GRIK4: variants seen among roughly 807,000 people sequenced by gnomAD.
GRIK4 encodes the protein glutamate ionotropic receptor kainate type subunit 4.
GRIK4 carries 40 observed loss-of-function variants against 104.9 expected under a neutral mutation model. That is an observed-to-expected ratio of 0.38 (90% CI 0.30 to 0.50). GRIK4 has a LOEUF of 0.50. GRIK4 is among the 20% of genes least tolerant of loss of function. The probability of loss-of-function intolerance (pLI) is 0.93; values close to 1 mark genes in which losing one functional copy is unlikely to be tolerated. For synonymous variants in GRIK4, 485 were observed against 524.9 expected, an observed-to-expected ratio of 0.92 and a Z score of 1.04; for missense variants, 1,047 against 1,308.1, an observed-to-expected ratio of 0.80 and a Z score of 3.08.
chr11:120,845,680 C>T (rs1023523545), intron 8 of GRIK4, among the ~76,000 whole-genome samples: 6 of 151,904 alleles, frequency 3.9e-5, no homozygotes, highest in East Asian at 1.9e-4. Context: ...CACACACACA[C>T]GGCCAGAAGT....
chr11:120,751,670 A>G (rs7952159), intron 3 of GRIK4, among the ~76,000 whole-genome samples: 27,316 of 152,136 alleles, frequency 0.18, 3,451 homozygotes, highest in African/African-American at 0.35. Flanking sequence ...AAAGCAGACC[A>G]TGTTCCCACC....
intron 3 of GRIK4, among the ~76,000 whole-genome samples, chr11:120,674,431 A>G (rs1950068484): frequency 6.6e-6 from 1 of 152,142 alleles, no homozygotes; most frequent in African/African-American, 2.4e-5. Flanking sequence ...CTGGCTCTTC[A>G]TAGGTTGGGC....
At chr11:120,784,225 C>G (rs1477450484) in intron 3 of GRIK4, among the ~76,000 whole-genome samples, 1 of 152,186 alleles carries the variant, frequency 6.6e-6, no homozygotes, top group Non-Finnish European at 1.5e-5. Context: ...GGACTCGGAA[C>G]CCCCGTGTCC....
chr11:120,559,164 A>G (rs1219220166), intron 1 of GRIK4, among the ~76,000 whole-genome samples: 1 of 152,162 alleles, frequency 6.6e-6, no homozygotes, highest in Non-Finnish European at 1.5e-5. Flanking sequence ...AGGCCTGCTG[A>G]GGCTACTAGG....
chr11:120,724,570 G>T (rs1950994824), intron 3 of GRIK4, among the ~76,000 whole-genome samples: 1 of 152,176 alleles, frequency 6.6e-6, no homozygotes, highest in African/African-American at 2.4e-5. Context: ...TCAAGATTCA[G>T]GACAGTCCAA....
chr11:120,967,210 A>C lies in GRIK4; in HGVS notation c.2282A>C (p.Asp761Ala). ...IGMPVGSVFR[D>A]EFDLAILQLQ... ...ACCCCCGCAGGCTCGGTTTTCCGGG[A>C]CGAGTTTGATCTGGCCATTCTCCAG... Residue 761 changes from aspartate (D) to alanine (A), a missense_variant, in exon 19 of 21, where the codon GAC (aspartate) becomes GCC (alanine). By Grantham distance (126) the Asp-to-Ala change is moderately radical. Transcript: ENST00000527524. This position sits in a 1 kb window ranked among gnomAD's most constrained non-coding sequence, Gnocchi z 4.2. 6.2e-7 allele frequency: 1 copy of C among 1,613,386 alleles called. No individual in the cohort carries two copies. Among genetic ancestry groups the C allele is most frequent in the Non-Finnish European group, 8.5e-7 (1 of 1,179,628 alleles).
chr11:120,554,023 G>A (rs1948164567), intron 1 of GRIK4, among the ~76,000 whole-genome samples: 1 of 152,002 alleles, frequency 6.6e-6, no homozygotes, highest in Admixed American at 6.6e-5. Flanking sequence ...ATGGATTTGG[G>A]GACACTTGTG....
At chr11:120,928,872 C>T (rs1037516712) in intron 13 of GRIK4, among the ~76,000 whole-genome samples, 3 of 152,238 alleles carry the variant, frequency 2.0e-5, no homozygotes, top group African/African-American at 7.2e-5. Flanking sequence ...CACTGGGCCT[C>T]TGCCTCTTCA....
intron 13 of GRIK4, among the ~76,000 whole-genome samples, chr11:120,924,559 T>A (rs1943299861): frequency 8.0e-6 from 1 of 124,894 alleles, no homozygotes; most frequent in Admixed American, 7.4e-5. Context: ...AGCGGCATCC[T>A]GAAGACCCCC....
At chr11:120,802,187 G>A (rs1952632298) in intron 3 of GRIK4, among the ~76,000 whole-genome samples, 1 of 152,220 alleles carries the variant, frequency 6.6e-6, no homozygotes, top group South Asian at 2.1e-4. Flanking sequence ...ATCGGTGTCA[G>A]AGCCTGGGGA....
At chr11:120,830,344 T>G (rs910174452) in intron 6 of GRIK4, among the ~76,000 whole-genome samples, 22 of 152,118 alleles carry the variant, frequency 1.4e-4, no homozygotes, top group Non-Finnish European at 1.6e-4. Context: ...GAGGGTTGGA[T>G]AGAAATCAGA....
chr11:120,661,761 G>A (rs1949821343), intron 3 of GRIK4, among the ~76,000 whole-genome samples: 1 of 152,024 alleles, frequency 6.6e-6, no homozygotes, highest in Admixed American at 6.5e-5. Flanking sequence ...GAGCTGATTG[G>A]AATCAGAAAT....
chr11:120,811,904 T>C (rs1421074556), intron 4 of GRIK4, among the ~76,000 whole-genome samples: 1 of 152,216 alleles, frequency 6.6e-6, no homozygotes, highest in African/African-American at 2.4e-5. Flanking sequence ...CAACTGTTTA[T>C]AGGCCACGTA....
intron 11 of GRIK4, among the ~76,000 whole-genome samples, chr11:120,889,538 A>G (rs965731009): frequency 1.1e-4 from 16 of 141,690 alleles, no homozygotes; most frequent in African/African-American, 4.1e-4. Flanking sequence ...CTGACTTTGG[A>G]TGTCCCTGGA....
At chr11:120,596,127 C>A (rs1168699884) in intron 1 of GRIK4, among the ~76,000 whole-genome samples, 1 of 152,180 alleles carries the variant, frequency 6.6e-6, no homozygotes, top group Non-Finnish European at 1.5e-5. Flanking sequence ...ATTACAGGCA[C>A]GGGCCACTGT....
intron 20 of GRIK4, among the ~76,000 whole-genome samples, chr11:120,985,204 C>T (rs946584438): frequency 6.6e-6 from 1 of 152,170 alleles, no homozygotes; most frequent in African/African-American, 2.4e-5. Flanking sequence ...AAGTTTGATG[C>T]AAATGCACTC....
intron 1 of GRIK4, among the ~76,000 whole-genome samples, chr11:120,535,293 G>GTT: frequency 2.0e-5 from 1 of 48,974 alleles, no homozygotes; most frequent in Non-Finnish European, 4.4e-5. Context: ...AGGGAAGGGG[G>GTT]GTGCAGATCT....
intron 13 of GRIK4, among the ~76,000 whole-genome samples, chr11:120,934,539 G>C (rs896709745): frequency 3.3e-5 from 5 of 152,156 alleles, no homozygotes; most frequent in Non-Finnish European, 7.3e-5. Flanking sequence ...GACAGAAATG[G>C]TGGCAGCTGC....
chr11:120,660,499 C>A, intron 3 of GRIK4, 99 bp downstream of exon 3: 2 of 868,260 alleles, frequency 2.3e-6, no homozygotes, highest in Admixed American at 2.1e-5. Flanking sequence ...AGCTGCCCAG[C>A]CCGTGCACTG....
Sources: gnomAD v4.1 joint callset for allele counts (sites outside exome capture counted in the v4.1 genomes callset) on GRCh38, gnomAD v4.1.1 for gene constraint, Gnocchi (gnomAD v3.1) non-coding constraint, MANE v1.5 for transcripts, NCBI Gene and HGNC (gene_info 2026-07-23, HGNC 2026-07-21) for gene names.